PDZD2: variants seen among roughly 807,000 people sequenced by gnomAD.
PDZD2 encodes the protein PDZ domain containing 2, also known as PDZ domain-containing protein 2.
In PDZD2, 90 loss-of-function variants were observed where a neutral mutation model predicts 220.7. That is an observed-to-expected ratio of 0.41 (90% CI 0.34 to 0.49). The LOEUF (loss-of-function observed/expected upper bound fraction) is 0.49. Ranked by LOEUF, PDZD2 falls within the 20% of genes least tolerant of loss-of-function variation. PDZD2 has a pLI of 0.28. For missense variants in PDZD2, 3,174 were observed against 3,608.5 expected (o/e 0.88, Z 3.08); for synonymous variants, 1,375 against 1,450.5 (o/e 0.95, Z 1.18).
Position 32,072,166 on chromosome 5 carries a change from C to T in PDZD2, c.2574C>T (p.Ser858=), listed in dbSNP as rs767570248. The T allele has an allele frequency of 6.2e-7, 1 of 1,608,342 alleles. No individual in the cohort carries two copies. ...GATGTTTTCTTCTTCAACAGGACTC[C>T]CTTATTTCTGAATCTGAACTCTCCC... The part of the protein sequence containing the change: ...LKSPSLAKKD[S]LISESELSQY... Residue 858 remains serine (S), a synonymous_variant, in exon 17 of 25, where the codon TCC becomes TCT. Transcript: ENST00000438447.
rs1298534314 is a variant in PDZD2 at position 31,639,781 on chromosome 5, A to T, written c.-361+344A>T. 6.6e-6 allele frequency among the ~76,000 whole-genome samples: 1 copy of T among 152,168 alleles called. No individual in the cohort carries two copies. The highest frequency in any genetic ancestry group is 1.5e-5 in the Non-Finnish European group (1 of 68,020). On this transcript the variant is annotated intron_variant, in intron 1 of 24. Coordinates refer to ENST00000438447, the MANE Select transcript of PDZD2 (RefSeq NM_178140.4). The surrounding 1 kb of genome is among the most constrained non-coding windows in gnomAD (Gnocchi z 4.1). Reference sequence around the variant, plus strand: ...GCTCGGGCGCGCATCCCGGGTCCCCATCCCTGGGCCGTCTTCTGGTCCCTT... The same window carrying T: ...GCTCGGGCGCGCATCCCGGGTCCCCTTCCCTGGGCCGTCTTCTGGTCCCTT...
chr5:31,967,073 G>C (rs1392730672), intron 2 of PDZD2, among the ~76,000 whole-genome samples: 2 of 152,224 alleles, frequency 1.3e-5, no homozygotes, highest in Non-Finnish European at 2.9e-5. Flanking sequence ...CCACTATTTT[G>C]ATGGAAGCTG....
At chr5:31,847,830 A>T (rs1757676327) in intron 2 of PDZD2, 4 of 554,506 alleles carry the variant, frequency 7.2e-6, no homozygotes, top group Non-Finnish European at 1.4e-5. Context: ...AAAGCAAGGA[A>T]CTTAATGCAG....
At chr5:31,962,763 A>T (rs764926093) in intron 2 of PDZD2, among the ~76,000 whole-genome samples, 2 of 152,336 alleles carry the variant, frequency 1.3e-5, no homozygotes, top group East Asian at 3.9e-4. Flanking sequence ...GAACAGTGCC[A>T]CAAGGGAAAA....
At chr5:31,874,006 G>A (rs768037518) in intron 2 of PDZD2, among the ~76,000 whole-genome samples, 3 of 152,168 alleles carry the variant, frequency 2.0e-5, no homozygotes, top group Non-Finnish European at 4.4e-5. Flanking sequence ...GGGATTACAG[G>A]CGTGAGCCAC....
intron 2 of PDZD2, among the ~76,000 whole-genome samples, chr5:31,799,949 T>C (rs770247949): frequency 3.3e-5 from 5 of 152,122 alleles, no homozygotes; most frequent in Non-Finnish European, 5.9e-5. Flanking sequence ...CATATCACCT[T>C]AGTCCCAGCA....
chr5:32,074,725 G>A lies in PDZD2; in HGVS notation c.3537+82G>A, dbSNP rs553761956. On this transcript the variant is annotated intron_variant, in intron 18 of 24. Transcript: ENST00000438447. ...AGATGGAGTCTGTTGTAAAGCATGGGTAAGCTGCCAGTGGGAAAGGATGAT... is the reference window on the plus strand; with the variant it reads ...AGATGGAGTCTGTTGTAAAGCATGGATAAGCTGCCAGTGGGAAAGGATGAT... The A allele has an allele frequency of 8.4e-4, 740 of 879,402 alleles. 1 individual carries two copies. Among genetic ancestry groups the A allele is most frequent in the Non-Finnish European group, 1.2e-3 (671 of 574,482 alleles). The allele number at this position is 879,402 out of a possible 1,614,324, so 54.5% of individuals were successfully genotyped here.
At chr5:31,749,469 G>T (rs1032954353) in intron 1 of PDZD2, among the ~76,000 whole-genome samples, 3 of 151,044 alleles carry the variant, frequency 2.0e-5, no homozygotes, top group African/African-American at 7.3e-5. Flanking sequence ...TTTCACCCAG[G>T]CTGGAGTGCA....
intron 7 of PDZD2, among the ~76,000 whole-genome samples, chr5:32,039,494 G>A (rs10940997): frequency 0.13 from 19,503 of 152,244 alleles, 1,329 homozygotes; most frequent in South Asian, 0.17. Context: ...GCCTCCCAAA[G>A]TGCTAAGATT....
In PDZD2 at chr5:32,109,249, T is replaced by G. The variant is rs561150023; in HGVS notation, c.*1114T>G. ...CCCAACATGTTTAAGAAATGTAACA[T>G]TCTAAGTATTGGATCTCTTTTCTTG... On this transcript the variant is annotated 3_prime_UTR_variant, in exon 25 of 25. Transcript: ENST00000438447. 40 of 152,270 alleles carry G rather than the reference T, an allele frequency of 2.6e-4. No individual in the cohort carries two copies. Among genetic ancestry groups the G allele is most frequent in the Admixed American group, 7.8e-4 (12 of 15,298 alleles). 9.4% of individuals were successfully genotyped at this position (152,270 alleles called of 1,614,324 possible). A position where few individuals can be genotyped will look rare whatever the true frequency, so the allele number is the denominator to read the frequency against.
chr5:32,004,972 A>G (rs1752687411), intron 5 of PDZD2, among the ~76,000 whole-genome samples: 1 of 152,036 alleles, frequency 6.6e-6, no homozygotes, highest in African/African-American at 2.4e-5. Context: ...TCTTCTTCCA[A>G]TACACTCCAT....
intron 2 of PDZD2, among the ~76,000 whole-genome samples, chr5:31,845,045 T>C (rs1047770962): frequency 3.3e-5 from 5 of 152,158 alleles, no homozygotes; most frequent in Non-Finnish European, 5.9e-5. Flanking sequence ...AAGAAGATAT[T>C]GTTACCACGT....
intron 2 of PDZD2, among the ~76,000 whole-genome samples, chr5:31,894,494 T>C (rs1436670031): frequency 1.3e-5 from 2 of 152,058 alleles, no homozygotes; most frequent in African/African-American, 4.8e-5. Context: ...TGTATTGCAC[T>C]AATTTAAGAT....
At chr5:31,917,084 C>G (rs898738770) in intron 2 of PDZD2, among the ~76,000 whole-genome samples, 2 of 152,136 alleles carry the variant, frequency 1.3e-5, no homozygotes, top group Non-Finnish European at 2.9e-5. Context: ...CCAGATGGAG[C>G]TGGCAAGGAA....
At chr5:31,684,094 T>C (rs1348638380) in intron 1 of PDZD2, among the ~76,000 whole-genome samples, 1 of 152,214 alleles carries the variant, frequency 6.6e-6, no homozygotes, top group African/African-American at 2.4e-5. Context: ...ATTTTCCCTG[T>C]AGATCTGAAA....
chr5:31,965,621 G>A (rs1454472767), intron 2 of PDZD2, among the ~76,000 whole-genome samples: 3 of 152,258 alleles, frequency 2.0e-5, no homozygotes, highest in African/African-American at 4.8e-5. Flanking sequence ...TCGGCTGGGC[G>A]CAGTGGTTCA....
intron 2 of PDZD2, among the ~76,000 whole-genome samples, chr5:31,973,290 T>C (rs1298044608): frequency 6.6e-6 from 1 of 152,172 alleles, no homozygotes; most frequent in Non-Finnish European, 1.5e-5. Context: ...GTTGTAAGAG[T>C]GTAAATTTAA....
chr5:32,072,101 C>G, intron 16 of PDZD2, 60 bp from the exon 17 acceptor site: 1 of 1,209,342 alleles, frequency 8.3e-7, no homozygotes, highest in Admixed American at 1.9e-5. Context: ...GACGTAATAA[C>G]CCTTGAAAGT....
intron 2 of PDZD2, among the ~76,000 whole-genome samples, chr5:31,844,746 C>T (rs1480551084): frequency 2.0e-5 from 3 of 152,180 alleles, no homozygotes; most frequent in Non-Finnish European, 2.9e-5. Context: ...GGATACTATC[C>T]AGCTTCAACT....
Sources: allele counts gnomAD v4.1 joint callset (sites outside exome capture counted in the v4.1 genomes callset), GRCh38; gene constraint gnomAD v4.1.1; non-coding constraint Gnocchi (gnomAD v3.1); transcripts MANE v1.5; gene names NCBI Gene and HGNC (gene_info 2026-07-23, HGNC 2026-07-21).